GLIS3: variants seen among roughly 807,000 people sequenced by gnomAD.
GLIS3 encodes the protein zinc finger protein GLIS3.
In GLIS3, 53 loss-of-function variants were observed where a neutral mutation model predicts 78.6. The observed-to-expected ratio is 0.67, with a 90% CI of 0.54 to 0.85. GLIS3 has a LOEUF of 0.85. Ranked by LOEUF, GLIS3 falls within the 40% of genes least tolerant of loss-of-function variation. GLIS3 has a pLI of 0.00. For synonymous variants in GLIS3, 684 were observed against 509.9 expected (o/e 1.34, Z -4.60); for missense variants, 1,703 against 1,231.1 (o/e 1.38, Z -5.74).
intron 7 of GLIS3, among the ~76,000 whole-genome samples, chr9:3,894,030 A>G (rs1822643774): frequency 6.6e-6 from 1 of 152,178 alleles, no homozygotes; most frequent in Non-Finnish European, 1.5e-5. Flanking sequence ...AAAAACTGCA[A>G]GGTTTTGATA....
intron 2 of GLIS3, among the ~76,000 whole-genome samples, chr9:4,204,905 C>A (rs2131277222): frequency 7.2e-6 from 1 of 138,898 alleles, no homozygotes; most frequent in East Asian, 2.2e-4. Flanking sequence ...CAAAGCAAAG[C>A]TCCATCTCAA....
the GLIS3 span, among the ~76,000 whole-genome samples, chr9:4,487,825 C>T: frequency 5.9e-5 from 9 of 151,856 alleles, no homozygotes. Context: ...GTAGCAGAGA[C>T]TACAGGCATG....
At chr9:3,994,819 T>C (rs1397550085) in intron 4 of GLIS3, among the ~76,000 whole-genome samples, 1 of 152,136 alleles carries the variant, frequency 6.6e-6, no homozygotes, top group African/African-American at 2.4e-5. Flanking sequence ...CATCTAAAAA[T>C]GGCGGCTAAA....
At chr9:4,119,103 T>G (rs1190491744) in intron 3 of GLIS3, among the ~76,000 whole-genome samples, 1 of 152,168 alleles carries the variant, frequency 6.6e-6, no homozygotes, top group Non-Finnish European at 1.5e-5. Context: ...TAATGCTCAC[T>G]GAAATAATGT....
chr9:4,487,653 A>G, the GLIS3 span, among the ~76,000 whole-genome samples: 1 of 151,422 alleles, frequency 6.6e-6, no homozygotes, highest in Non-Finnish European at 1.5e-5. Flanking sequence ...CCCTATCTAC[A>G]ACTGTAATGA....
At chr9:4,370,724 T>A in the GLIS3 span, among the ~76,000 whole-genome samples, 1 of 151,500 alleles carries the variant, frequency 6.6e-6, no homozygotes, top group African/African-American at 2.4e-5. Context: ...TATTTTTAAT[T>A]AATTAAATTT....
chr9:4,338,338 G>A (rs1472788198), intron 2 of GLIS3, among the ~76,000 whole-genome samples: 1 of 150,958 alleles, frequency 6.6e-6, no homozygotes, highest in African/African-American at 2.4e-5. Flanking sequence ...TATATAGAGA[G>A]ATAGATGGAT....
chr9:4,287,484 T>G (rs1029306557), intron 1 of GLIS3, among the ~76,000 whole-genome samples: 1 of 152,162 alleles, frequency 6.6e-6, no homozygotes, highest in African/African-American at 2.4e-5. Context: ...CCAAAATGTA[T>G]GCGATGAGGT....
upstream of GLIS3, among the ~76,000 whole-genome samples, chr9:4,301,246 T>C (rs139725592): frequency 6.6e-6 from 1 of 152,308 alleles, no homozygotes; most frequent in East Asian, 1.9e-4. Context: ...TCAGCAGAAG[T>C]AGGGGATGAA....
intron 4 of GLIS3, among the ~76,000 whole-genome samples, chr9:3,964,957 A>G (rs1817821362): frequency 6.6e-6 from 1 of 152,130 alleles, no homozygotes; most frequent in Admixed American, 6.5e-5. Context: ...TCAGATACAA[A>G]TAACTCTATT....
intron 2 of GLIS3, among the ~76,000 whole-genome samples, chr9:4,155,720 A>G (rs1360032718): frequency 1.3e-5 from 2 of 152,164 alleles, no homozygotes; most frequent in African/African-American, 4.8e-5. Context: ...TCTCCACTTA[A>G]GTGTGCATCA....
chr9:4,216,275 A>C (rs1020113250), intron 2 of GLIS3, among the ~76,000 whole-genome samples: 7 of 152,138 alleles, frequency 4.6e-5, no homozygotes, highest in African/African-American at 1.4e-4. Flanking sequence ...AATCGAGACC[A>C]TCCTGGCTAA....
intron 2 of GLIS3, among the ~76,000 whole-genome samples, chr9:4,152,433 G>A (rs956108591): frequency 6.6e-6 from 1 of 152,148 alleles, no homozygotes; most frequent in African/African-American, 2.4e-5. Context: ...GATTTTCACA[G>A]CCTTCATCCA....
intron 6 of GLIS3, among the ~76,000 whole-genome samples, chr9:3,907,111 C>T (rs951308951): frequency 2.6e-5 from 4 of 152,186 alleles, no homozygotes; most frequent in East Asian, 3.9e-4. Context: ...TCTCAGGGTA[C>T]AAGAAGAACT....
the GLIS3 span, among the ~76,000 whole-genome samples, chr9:4,362,396 A>G: frequency 6.6e-6 from 1 of 152,228 alleles, no homozygotes; most frequent in Non-Finnish European, 1.5e-5. Context: ...ATGTAGTAAG[A>G]AAACAGGAAG....
the GLIS3 span, among the ~76,000 whole-genome samples, chr9:4,459,675 G>C: frequency 1.3e-5 from 2 of 152,198 alleles, no homozygotes; most frequent in East Asian, 3.9e-4. Flanking sequence ...TGAGGCAGAA[G>C]GGCTGCTTGA....
At chr9:4,121,620 G>GACACACACAC (rs767610111) in intron 3 of GLIS3, among the ~76,000 whole-genome samples, 130 of 142,212 alleles carry the variant, frequency 9.1e-4, no homozygotes, top group African/African-American at 2.4e-3. Flanking sequence ...TTCTCCCAGT[G>GACACACACAC]ACACACACAC....
At chr9:4,144,117 C>T (rs1399259718) in intron 2 of GLIS3, among the ~76,000 whole-genome samples, 1 of 152,080 alleles carries the variant, frequency 6.6e-6, no homozygotes, top group Non-Finnish European at 1.5e-5. Flanking sequence ...GGGGAGAAGG[C>T]AAGGGAACAA....
At chr9:4,326,709 T>G (rs1412841093) in intron 2 of GLIS3, among the ~76,000 whole-genome samples, 1 of 152,196 alleles carries the variant, frequency 6.6e-6, no homozygotes, top group Non-Finnish European at 1.5e-5. Context: ...TTTTATATAT[T>G]TTATCACAAT....
Sources: allele counts gnomAD v4.1 joint callset (sites outside exome capture counted in the v4.1 genomes callset), GRCh38; gene constraint gnomAD v4.1.1; transcripts MANE v1.5; gene names NCBI Gene and HGNC (gene_info 2026-07-23, HGNC 2026-07-21).